Variants in CNTNAP2 observed in about 807,000 individuals in gnomAD.
The protein encoded by CNTNAP2 is contactin-associated protein-like 2.
In CNTNAP2, 98 loss-of-function variants were observed where a neutral mutation model predicts 155.2. That is an observed-to-expected ratio of 0.63 (90% confidence interval 0.54 to 0.75). The LOEUF (loss-of-function observed/expected upper bound fraction) is 0.75. CNTNAP2 is among the 30% of genes least tolerant of loss of function. CNTNAP2 has a pLI of 0.00. For missense variants in CNTNAP2, 1,727 were observed against 1,688.1 expected, an observed-to-expected ratio of 1.02 and a Z score of -0.40; for synonymous variants, 651 against 631.2, an observed-to-expected ratio of 1.03 and a Z score of -0.47.
intron 22 of CNTNAP2, among the ~76,000 whole-genome samples, chr7:148,384,290 C>T (rs554843956): frequency 5.3e-5 from 8 of 152,076 alleles, no homozygotes; most frequent in African/African-American, 1.4e-4. Flanking sequence ...TATAGAGATC[C>T]GTCTCCTGGC....
chr7:147,543,939 A>G (rs1297368300), intron 11 of CNTNAP2, among the ~76,000 whole-genome samples: 1 of 152,186 alleles, frequency 6.6e-6, no homozygotes, highest in Non-Finnish European at 1.5e-5. Flanking sequence ...ATGATAGCAA[A>G]CAATTGTTAT....
intron 1 of CNTNAP2, among the ~76,000 whole-genome samples, chr7:146,502,954 G>GATGATAAGGGCAATTCTTGATGATA (rs1300132404): frequency 1.4e-4 from 22 of 152,302 alleles, no homozygotes; most frequent in Admixed American, 2.6e-4. Flanking sequence ...GATGATAAGT[G>GATGATAAGGGCAATTCTTGATGATA]AGGTTGAGTA....
At chr7:146,230,876 A>G (rs1584814530) in intron 1 of CNTNAP2, among the ~76,000 whole-genome samples, 1 of 152,200 alleles carries the variant, frequency 6.6e-6, no homozygotes, top group East Asian at 1.9e-4. Flanking sequence ...ATAGCCAACC[A>G]TGGTGGCAGG....
chr7:146,947,325 T>A (rs1797197355), intron 3 of CNTNAP2, among the ~76,000 whole-genome samples: 1 of 150,784 alleles, frequency 6.6e-6, no homozygotes, highest in African/African-American at 2.4e-5. Context: ...CATATAAATT[T>A]GTAAATTTTT....
chr7:147,139,446 C>T lies in CNTNAP2; in HGVS notation c.1348+6937C>T, dbSNP rs1164662201. 3.9e-5 allele frequency among the ~76,000 whole-genome samples: 6 copies of T among 151,962 alleles called. No individual in the cohort carries two copies. The South Asian group carries it at 1.2e-3, about 32-fold the overall frequency. ...CATGAAACAATCAGGGATGATGTAC[C>T]TTCATAATCAGAAAAAACACAAAGC... On this transcript the variant is annotated intron_variant, in intron 8 of 23. Transcript: ENST00000361727.
chr7:147,023,902 G>C (rs1255166278), intron 3 of CNTNAP2, among the ~76,000 whole-genome samples: 1 of 152,162 alleles, frequency 6.6e-6, no homozygotes, highest in Non-Finnish European at 1.5e-5. Flanking sequence ...ATTTGCATGT[G>C]TAGTTTATAG....
intron 1 of CNTNAP2, among the ~76,000 whole-genome samples, chr7:146,547,716 A>T (rs1054127812): frequency 6.6e-6 from 1 of 151,806 alleles, no homozygotes; most frequent in East Asian, 1.9e-4. Flanking sequence ...ATTAATGAAC[A>T]CTTAGGTTGT....
At chr7:147,381,831 T>C (rs1391122243) in intron 9 of CNTNAP2, among the ~76,000 whole-genome samples, 4 of 152,002 alleles carry the variant, frequency 2.6e-5, no homozygotes, top group Non-Finnish European at 5.9e-5. Context: ...ATTTTATATA[T>C]AATGAGTATT....
Position 148,366,102 on chromosome 7 carries a change from A to G in CNTNAP2, c.3476-17547A>G, listed in dbSNP as rs546705044. ...TGTGTGCATGTATACATGTATGTGT[A>G]TGCATGTATGCATGTATGTGTATGC... On this transcript the variant is annotated intron_variant, in intron 21 of 23. Coordinates refer to ENST00000361727, the MANE Select transcript of CNTNAP2 (RefSeq NM_014141.6). Among the ~76,000 whole-genome samples, 104 of 13,008 alleles carry G rather than the reference A, an allele frequency of 8.0e-3. 50 individuals carry two copies. The highest frequency in any genetic ancestry group is 0.018 in the African/African-American group (98 of 5,558). 8.5% of individuals were successfully genotyped at this position (13,008 alleles called of 152,430 possible). A position where few individuals can be genotyped will look rare whatever the true frequency, so the allele number is the denominator to read the frequency against.
At chr7:147,403,708 C>T (rs1408718688) in intron 10 of CNTNAP2, among the ~76,000 whole-genome samples, 2 of 152,142 alleles carry the variant, frequency 1.3e-5, no homozygotes, top group Non-Finnish European at 2.9e-5. Flanking sequence ...ATTAAATCCA[C>T]ATGTTTCTTA....
At chr7:148,287,366 A>C (rs1277766512) in intron 21 of CNTNAP2, among the ~76,000 whole-genome samples, 1 of 152,230 alleles carries the variant, frequency 6.6e-6, no homozygotes, top group Non-Finnish European at 1.5e-5. Flanking sequence ...AAAAGTCAAT[A>C]AACAAAAACA....
At position 147,572,513 on chromosome 7, in the gene CNTNAP2, T is replaced by C. The variant is rs552639890; in HGVS notation, c.1897+10256T>C. On this transcript the variant is annotated intron_variant, in intron 12 of 23. Transcript: ENST00000361727. ...GTTTTCATGTAACCTGACAAAACAA[T>C]ATCTTATAGACACTGCTTGATTTTG... 1.1e-4 allele frequency among the ~76,000 whole-genome samples: 17 copies of C among 152,238 alleles called. No individual in the cohort carries two copies. The East Asian group carries it at 2.5e-3, about 23-fold the overall frequency.
intron 14 of CNTNAP2, among the ~76,000 whole-genome samples, chr7:147,921,111 CTT>C (rs1423794335): frequency 6.7e-6 from 1 of 150,228 alleles, no homozygotes. Flanking sequence ...GCCCTGCCTC[CTT>C]TTTTTTTTTT....
At chr7:148,082,925 C>T (rs901287966) in intron 15 of CNTNAP2, among the ~76,000 whole-genome samples, 4 of 151,864 alleles carry the variant, frequency 2.6e-5, no homozygotes, top group African/African-American at 9.7e-5. Flanking sequence ...GATCCACCTG[C>T]CTCTGCCTCC....
chr7:146,557,365 G>A (rs1410385746), intron 1 of CNTNAP2, among the ~76,000 whole-genome samples: 3 of 151,912 alleles, frequency 2.0e-5, no homozygotes, highest in African/African-American at 7.3e-5. Flanking sequence ...TCATTTTTTT[G>A]GTGTTCGTTA....
chr7:148,004,833 A>G (rs1338183478), intron 15 of CNTNAP2, among the ~76,000 whole-genome samples: 1 of 152,206 alleles, frequency 6.6e-6, no homozygotes, highest in Admixed American at 6.5e-5. Context: ...AGAAAGGTGG[A>G]GTACCTGACA....
intron 1 of CNTNAP2, among the ~76,000 whole-genome samples, chr7:146,687,121 C>G (rs536380132): frequency 1.3e-4 from 20 of 152,198 alleles, no homozygotes; most frequent in Non-Finnish European, 2.2e-4. Context: ...ATTTTCATTT[C>G]TCAACGGTTA....
intron 8 of CNTNAP2, among the ~76,000 whole-genome samples, chr7:147,252,329 A>G (rs1804217550): frequency 6.6e-6 from 1 of 152,162 alleles, no homozygotes; most frequent in Admixed American, 6.5e-5. Flanking sequence ...TTTATCAGAA[A>G]ATTGCTCAAG....
intron 10 of CNTNAP2, among the ~76,000 whole-genome samples, chr7:147,467,125 T>C (rs900892140): frequency 1.3e-5 from 2 of 152,160 alleles, no homozygotes; most frequent in Non-Finnish European, 2.9e-5. Context: ...TTAGTGAATA[T>C]TTGGGAGAGC....
Sources: gnomAD v4.1 joint callset for allele counts (sites outside exome capture counted in the v4.1 genomes callset) on GRCh38, gnomAD v4.1.1 for gene constraint, MANE v1.5 for transcripts, NCBI Gene and HGNC (gene_info 2026-07-23, HGNC 2026-07-21) for gene names.